Variants in THEMIS observed in about 807,000 individuals in gnomAD.
THEMIS encodes the protein protein THEMIS.
THEMIS carries 37 observed loss-of-function variants against 52.6 expected under a neutral mutation model. The ratio of observed to expected loss-of-function variants is 0.70; its 90% CI spans 0.54 to 0.93. The LOEUF is 0.93. THEMIS is among the 40% of genes least tolerant of loss of function. The pLI is 0.00. For missense variants in THEMIS, 808 were observed against 763.1 expected (o/e 1.06, Z -0.69); for synonymous variants, 292 against 272.7 (o/e 1.07, Z -0.70).
chr6:127,724,791 A>G (rs569144690), intron 4 of THEMIS, among the ~76,000 whole-genome samples: 69 of 152,236 alleles, frequency 4.5e-4, no homozygotes, highest in African/African-American at 1.4e-3. Flanking sequence ...TTGTCTCACA[A>G]ACAAAGAAAG....
intron 4 of THEMIS, among the ~76,000 whole-genome samples, chr6:127,793,885 G>A (rs934429338): frequency 2.6e-5 from 4 of 152,246 alleles, no homozygotes; most frequent in South Asian, 2.1e-4. Context: ...GAGCCAGGGC[G>A]AGAACCATAT....
chr6:127,803,153 C>A (rs1241878410), intron 4 of THEMIS, among the ~76,000 whole-genome samples: 1 of 152,164 alleles, frequency 6.6e-6, no homozygotes, highest in Non-Finnish European at 1.5e-5. Flanking sequence ...TAACTGGTCT[C>A]CCTGCCTCTG....
intron 4 of THEMIS, among the ~76,000 whole-genome samples, chr6:127,809,333 GA>G (rs1228772870): frequency 1.3e-5 from 2 of 152,066 alleles, no homozygotes; most frequent in Non-Finnish European, 2.9e-5. Flanking sequence ...TATATGAAAG[GA>G]TGACTTTGTG....
intron 5 of THEMIS, among the ~76,000 whole-genome samples, chr6:127,713,834 T>C (rs1774066264): frequency 6.6e-6 from 1 of 151,714 alleles, no homozygotes; most frequent in Admixed American, 6.6e-5. Context: ...CTGGAGGATA[T>C]TGAGGAGAGG....
intron 4 of THEMIS, among the ~76,000 whole-genome samples, chr6:127,740,170 A>AT (rs896183959): frequency 2.0e-4 from 31 of 151,802 alleles, no homozygotes; most frequent in East Asian, 7.7e-4. Flanking sequence ...AACCTAATTG[A>AT]TTTTTTTTTC....
chr6:127,846,011 C>T (rs913789137), intron 2 of THEMIS, among the ~76,000 whole-genome samples: 2 of 151,880 alleles, frequency 1.3e-5, no homozygotes, highest in Non-Finnish European at 2.9e-5. Flanking sequence ...TTTTCAATTA[C>T]CTGACTGAGT....
chr6:127,791,825 AAGCGTGCACACACCCAGCCGAGTCGTGAC>A (rs943559494), intron 4 of THEMIS, among the ~76,000 whole-genome samples: 8 of 152,166 alleles, frequency 5.3e-5, no homozygotes, highest in Admixed American at 2.6e-4. Context: ...GTGCTGCCCC[AAGCGTGCACACACCCAGCCGAGTCGTGAC>A]AGCCCCCAGG....
rs1231671432 is a variant in THEMIS, at chr6:127,711,294, G to A, written c.1895-1278C>T. On this transcript the variant is annotated intron_variant, in intron 5 of 5. Coordinates refer to ENST00000368248, the MANE Select transcript of THEMIS (RefSeq NM_001010923.3). ...ACTAAAATTATCTCACTATCTCAGC[G>A]ATTTTCATGATGTGTGTGAAACACA... 4.6e-5 allele frequency among the ~76,000 whole-genome samples: 7 copies of A among 151,888 alleles called. No homozygotes were observed. In the South Asian group the frequency reaches 8.3e-4, roughly 18 times the overall value.
At chr6:127,916,950 C>A (rs980085318) in intron 1 of THEMIS, among the ~76,000 whole-genome samples, 14 of 152,178 alleles carry the variant, frequency 9.2e-5, no homozygotes, top group African/African-American at 3.4e-4. Flanking sequence ...GGACAGTACA[C>A]TTAGGCTCAA....
At chr6:127,912,579 C>A (rs966154682) in intron 1 of THEMIS, among the ~76,000 whole-genome samples, 2 of 152,084 alleles carry the variant, frequency 1.3e-5, no homozygotes, top group African/African-American at 4.8e-5. Flanking sequence ...TATTTCCAAG[C>A]TTCCATATTA....
At chr6:127,742,785 G>T (rs1775254534) in intron 4 of THEMIS, among the ~76,000 whole-genome samples, 2 of 152,016 alleles carry the variant, frequency 1.3e-5, no homozygotes, top group Non-Finnish European at 1.5e-5. Flanking sequence ...GAAATAAAAA[G>T]TTATTATTTA....
At chr6:127,832,627 G>GA (rs1470615115) in intron 2 of THEMIS, among the ~76,000 whole-genome samples, 1 of 151,988 alleles carries the variant, frequency 6.6e-6, no homozygotes, top group East Asian at 1.9e-4. Flanking sequence ...TTTATACTGG[G>GA]AAAAATATGC....
chr6:127,746,989 A>ATATAGATATAAT (rs1272094990), intron 4 of THEMIS, among the ~76,000 whole-genome samples: 4 of 76,406 alleles, frequency 5.2e-5, no homozygotes, highest in African/African-American at 1.8e-4. Context: ...ATATAATTAT[A>ATATAGATATAAT]TATAGATATC....
chr6:127,741,380 T>G (rs1185339505), intron 4 of THEMIS, among the ~76,000 whole-genome samples: 1 of 152,198 alleles, frequency 6.6e-6, no homozygotes, highest in Non-Finnish European at 1.5e-5. Flanking sequence ...ATGTTGCTTA[T>G]CAAATTTTAT....
intron 3 of THEMIS, among the ~76,000 whole-genome samples, chr6:127,820,598 G>A (rs912263165): frequency 6.6e-6 from 1 of 152,162 alleles, no homozygotes; most frequent in Admixed American, 6.5e-5. Flanking sequence ...TTACAATTAG[G>A]AATTTGGCAG....
At position 127,813,395 on chromosome 6, in the gene THEMIS, T is replaced by G. The variant is rs200995834; in HGVS notation, c.1246A>C (p.Ile416Leu). The change falls in exon 4 of 6, where the codon ATC (isoleucine) becomes CTC (leucine). Residue 416 changes from isoleucine to leucine, a missense_variant. Transcript: ENST00000368248. Reference protein sequence around the residue: ...KVVNVLACEKILKKSYEAALL... With the variant: ...KVVNVLACEKLLKKSYEAALL... Reference sequence around the variant, plus strand: ...GCAGCCTCATAGGACTTTTTGAGGATTTTTTCACAGGCCAGAACATTCACC... The same window carrying G: ...GCAGCCTCATAGGACTTTTTGAGGAGTTTTTCACAGGCCAGAACATTCACC... 2 of 1,613,510 alleles carry G rather than the reference T, an allele frequency of 1.2e-6. No individual in the cohort carries two copies. The highest frequency in any genetic ancestry group is 3.3e-5 in the Admixed American group (2 of 59,932).
chr6:127,882,519 T>C (rs750379934), intron 1 of THEMIS, among the ~76,000 whole-genome samples: 1 of 151,986 alleles, frequency 6.6e-6, no homozygotes, highest in Non-Finnish European at 1.5e-5. Flanking sequence ...CCTATCTACA[T>C]GTAAACATGT....
At chr6:127,761,606 A>C (rs956901693) in intron 4 of THEMIS, among the ~76,000 whole-genome samples, 18 of 152,168 alleles carry the variant, frequency 1.2e-4, no homozygotes, top group African/African-American at 4.3e-4. Context: ...AACCCCTGCT[A>C]TACAGGACCT....
intron 4 of THEMIS, among the ~76,000 whole-genome samples, chr6:127,763,732 T>C (rs1776099960): frequency 6.6e-6 from 1 of 151,932 alleles, no homozygotes; most frequent in South Asian, 2.1e-4. Flanking sequence ...ATGTGTATAA[T>C]ATAAGTACTA....
Sources: allele counts gnomAD v4.1 joint callset (sites outside exome capture counted in the v4.1 genomes callset), GRCh38; gene constraint gnomAD v4.1.1; transcripts MANE v1.5; gene names NCBI Gene and HGNC (gene_info 2026-07-23, HGNC 2026-07-21).